Variants in THSD4 observed in about 807,000 individuals in gnomAD.
THSD4 encodes thrombospondin type-1 domain-containing protein 4.
In THSD4, 69 loss-of-function variants were observed where a neutral mutation model predicts 119.0. The ratio of observed to expected loss-of-function variants is 0.58; its 90% CI spans 0.48 to 0.71. THSD4 has a LOEUF of 0.71. Among genes scored for constraint, THSD4 ranks in the 30% least tolerant of loss-of-function variants. THSD4 has a pLI of 0.00. For synonymous variants in THSD4, 524 were observed against 540.4 expected (o/e 0.97, Z 0.42); for missense variants, 1,393 against 1,391.1 (o/e 1.00, Z -0.02).
intron 1 of THSD4, among the ~76,000 whole-genome samples, chr15:71,125,015 A>G (rs1161130225): frequency 6.6e-6 from 1 of 152,176 alleles, no homozygotes; most frequent in South Asian, 2.1e-4. Context: ...TTGAGGCTGC[A>G]GTGAGCCATG....
At position 71,380,889 on chromosome 15, in the gene THSD4, C is replaced by T. The variant is rs1157413320; in HGVS notation, c.1016-30798C>T. Among the ~76,000 whole-genome samples the T allele has an allele frequency of 2.0e-5, 3 of 152,176 alleles. No individual in the cohort carries two copies. The East Asian group carries it at 5.8e-4, about 29-fold the overall frequency. ...AGCATATTATATTATGCATTCCTTT[C>T]CCTTTCTCTTATGGGAAAGGAACAC... On this transcript the variant is annotated intron_variant, in intron 6 of 17. Transcript: ENST00000261862.
rs1346597189 is a variant in THSD4 at position 71,450,463 on chromosome 15, C to T, written c.1152+38640C>T. 5.9e-5 allele frequency among the ~76,000 whole-genome samples: 9 copies of T among 152,180 alleles called. No individual in the cohort carries two copies. The East Asian group carries it at 1.7e-3, about 29-fold the overall frequency. On this transcript the variant is annotated intron_variant, in intron 7 of 17. Coordinates refer to ENST00000261862, the MANE Select transcript of THSD4 (RefSeq NM_024817.3). ...GGGTTTGGGCTCAGAAGATTCAGCT[C>T]ACATCCAGCTTCTATCACTTACAAG...
intron 6 of THSD4, among the ~76,000 whole-genome samples, chr15:71,345,808 T>TAA (rs2045651112): frequency 6.6e-6 from 1 of 151,160 alleles, no homozygotes; most frequent in Admixed American, 6.6e-5. Flanking sequence ...GTTTTTTTTT[T>TAA]AATTATTTTA....
At chr15:71,251,834 A>T (rs2044263511) in intron 5 of THSD4, among the ~76,000 whole-genome samples, 2 of 152,164 alleles carry the variant, frequency 1.3e-5, no homozygotes, top group African/African-American at 4.8e-5. Context: ...AACCAGGGTC[A>T]CTAGAAATGT....
intron 6 of THSD4, among the ~76,000 whole-genome samples, chr15:71,308,130 T>G (rs7169622): frequency 0.71 from 108,222 of 152,036 alleles, 39,513 homozygotes; most frequent in East Asian, 0.85. Flanking sequence ...TACTGGGTGG[T>G]CTATGTTCTC....
At chr15:71,152,683 G>A (rs923656757) in intron 2 of THSD4, among the ~76,000 whole-genome samples, 5 of 152,130 alleles carry the variant, frequency 3.3e-5, no homozygotes, top group Non-Finnish European at 5.9e-5. Context: ...CAGCGGGACT[G>A]GTGTTCCTTG....
At chr15:71,652,496 G>A (rs2051112591) in intron 7 of THSD4, among the ~76,000 whole-genome samples, 1 of 152,162 alleles carries the variant, frequency 6.6e-6, no homozygotes, top group Non-Finnish European at 1.5e-5. Context: ...TTCAATCCAT[G>A]GAGGAGGAAA....
chr15:71,111,349 T>A (rs533582325), upstream of THSD4: 1 of 1,613,860 alleles, frequency 6.2e-7, no homozygotes, highest in Admixed American at 1.7e-5. Flanking sequence ...TGCCCAGTTG[T>A]GGGTTACAGG....
intron 7 of THSD4, among the ~76,000 whole-genome samples, chr15:71,623,315 C>T (rs777056741): frequency 1.3e-5 from 2 of 152,062 alleles, no homozygotes; most frequent in Non-Finnish European, 2.9e-5. Flanking sequence ...AGGCATTGTG[C>T]GAAATGCTTT....
At chr15:71,445,502 G>A (rs2047168932) in intron 7 of THSD4, among the ~76,000 whole-genome samples, 1 of 152,216 alleles carries the variant, frequency 6.6e-6, no homozygotes, top group African/African-American at 2.4e-5. Context: ...CATACCATAT[G>A]TTCATTCTTC....
At chr15:71,500,691 A>C (rs1028457806) in intron 7 of THSD4, among the ~76,000 whole-genome samples, 1 of 152,220 alleles carries the variant, frequency 6.6e-6, no homozygotes, top group Non-Finnish European at 1.5e-5. Flanking sequence ...ATTCTTTTGC[A>C]TATAGAAATC....
chr15:71,726,789 TA>T (rs1482978098), intron 8 of THSD4, among the ~76,000 whole-genome samples: 1 of 152,006 alleles, frequency 6.6e-6, no homozygotes, highest in Non-Finnish European at 1.5e-5. Flanking sequence ...ATACAAAAAT[TA>T]GCAGAGCATG....
In THSD4 at chr15:71,215,129, G is replaced by A. The variant is rs2043920586; in HGVS notation, c.194G>A (p.Cys65Tyr). The change falls in exon 4 of 18, where the codon TGC becomes TAC. Residue 65 changes from cysteine (C) to tyrosine (Y), a missense_variant. Physicochemically the swap from Cys to Tyr is radical, Grantham distance 194. Coordinates refer to ENST00000261862, the MANE Select transcript of THSD4 (RefSeq NM_024817.3). ...VWGAWGPWSA[C>Y]SRSCSGGVME... ...GGCGCCTGGGGCCCCTGGTCGGCCTGCTCGCGTAGCTGCAGCGGCGGCGTG... is the reference window on the plus strand; with the variant it reads ...GGCGCCTGGGGCCCCTGGTCGGCCTACTCGCGTAGCTGCAGCGGCGGCGTG... The A allele has an allele frequency of 7.3e-7, 1 of 1,366,894 alleles. No individual in the cohort carries two copies. Among genetic ancestry groups the A allele is most frequent in the South Asian group, 1.7e-5 (1 of 58,152 alleles). The allele number at this position is 1,366,894 out of a possible 1,614,324, so 84.7% of individuals were successfully genotyped here. A position where few individuals can be genotyped will look rare whatever the true frequency, so the allele number is the denominator to read the frequency against.
intron 15 of THSD4, among the ~76,000 whole-genome samples, chr15:71,763,898 C>G (rs919485168): frequency 6.6e-6 from 1 of 152,022 alleles, no homozygotes; most frequent in African/African-American, 2.4e-5. Flanking sequence ...AACCCCATCT[C>G]TACAAAAAAA....
At chr15:71,133,041 C>A (rs1163699643) in intron 1 of THSD4, among the ~76,000 whole-genome samples, 2 of 152,228 alleles carry the variant, frequency 1.3e-5, no homozygotes, top group East Asian at 3.9e-4. Flanking sequence ...AGAAAAGCTG[C>A]AGCTCCCATG....
At chr15:71,393,787 C>T (rs2046408298) in intron 6 of THSD4, among the ~76,000 whole-genome samples, 2 of 152,314 alleles carry the variant, frequency 1.3e-5, no homozygotes, top group South Asian at 4.1e-4. Flanking sequence ...GAGTCTCTAT[C>T]TGTGACCTTG....
intron 6 of THSD4, among the ~76,000 whole-genome samples, chr15:71,353,569 A>T (rs1254060495): frequency 6.6e-6 from 1 of 152,202 alleles, no homozygotes; most frequent in East Asian, 1.9e-4. Flanking sequence ...GCTTCCAGGG[A>T]TCCAGGACAC....
chr15:71,350,876 G>T (rs1437784501), intron 6 of THSD4, among the ~76,000 whole-genome samples: 2 of 152,188 alleles, frequency 1.3e-5, no homozygotes, highest in Non-Finnish European at 2.9e-5. Flanking sequence ...AAGCTTGTTG[G>T]TAACTCTCCT....
intron 6 of THSD4, among the ~76,000 whole-genome samples, chr15:71,310,856 G>T (rs555761374): frequency 9.2e-5 from 14 of 152,164 alleles, no homozygotes; most frequent in Non-Finnish European, 1.5e-4. Context: ...GAGAGACAGG[G>T]GGGCAGGAGA....
Sources: gnomAD v4.1 joint callset for allele counts (sites outside exome capture counted in the v4.1 genomes callset) on GRCh38, gnomAD v4.1.1 for gene constraint, MANE v1.5 for transcripts, NCBI Gene and HGNC (gene_info 2026-07-23, HGNC 2026-07-21) for gene names.